Variants in RPGRIP1L observed in about 807,000 individuals in gnomAD.
RPGRIP1L encodes the protein RPGRIP1 like.
RPGRIP1L carries 131 observed loss-of-function variants against 160.4 expected under a neutral mutation model. That is an observed-to-expected ratio of 0.82 (90% CI 0.71 to 0.94). RPGRIP1L has a LOEUF of 0.94. Ranked by LOEUF, RPGRIP1L falls within the 40% of genes least tolerant of loss-of-function variation. The pLI is 0.00. For missense variants in RPGRIP1L, 1,522 were observed against 1,535.8 expected (o/e 0.99, Z 0.15); for synonymous variants, 510 against 515.8 (o/e 0.99, Z 0.15).
Position 53,645,666 on chromosome 16 carries a change from T to C in RPGRIP1L, c.2642A>G (p.Asn881Ser), listed in dbSNP as rs377404824. Reference protein sequence around the residue: ...TQENIYIGKVNVPLISLAHDR... With the variant: ...TQENIYIGKVSVPLISLAHDR... ...ATGTGCCAACGAAATCAGAGGCACA[T>C]TGACTTTTCCTATGTAAATATTCTC... The change falls in exon 17 of 27, where the codon AAT (asparagine) becomes AGT (serine). Residue 881 changes from asparagine (N) to serine (S), a missense_variant. Physicochemically the swap from Asn to Ser is conservative, Grantham distance 46 (BLOSUM62 1). Transcript: ENST00000647211. The C allele has an allele frequency of 1.4e-5, 22 of 1,614,058 alleles. No individual in the cohort carries two copies. In the South Asian group the frequency reaches 1.5e-4, roughly 11 times the overall value.
intron 6 of RPGRIP1L, among the ~76,000 whole-genome samples, chr16:53,685,331 T>C (rs1359650429): frequency 6.6e-6 from 1 of 152,166 alleles, no homozygotes; most frequent in Non-Finnish European, 1.5e-5. Flanking sequence ...GAAATACCAT[T>C]CGACAAGGAA....
chr16:53,657,500 T>C lies in RPGRIP1L; in HGVS notation c.1534A>G (p.Thr512Ala). The C allele has an allele frequency of 1.9e-6, 3 of 1,613,284 alleles. No individual in the cohort carries two copies. Among genetic ancestry groups the C allele is most frequent in the Non-Finnish European group, 2.5e-6 (3 of 1,179,528 alleles). The change falls in exon 13 of 27, where the codon ACA becomes GCA. Residue 512 changes from threonine to alanine, a missense_variant. By Grantham distance (58) the Thr-to-Ala change is moderately conservative. Coordinates refer to ENST00000647211, the MANE Select transcript of RPGRIP1L (RefSeq NM_015272.5). The stretch of plus-strand genomic sequence containing the variant: ...TGTTGCATAATTAGCATGTTTCTTG[T>C]CTTTTCCAGCTCTTGCACCGTTTCT... Reference protein sequence around the residue: ...HAETVQELEKTRNMLIMQHKI... With the variant: ...HAETVQELEKARNMLIMQHKI...
Position 53,636,402 on chromosome 16 carries a change from A to AT in RPGRIP1L, c.3294+36dup, listed in dbSNP as rs771784444. 1.1e-4 allele frequency: 157 copies of AT among 1,401,690 alleles called. No individual in the cohort carries two copies. In the East Asian group the frequency reaches 3.5e-3, roughly 31 times the overall value. 86.8% of individuals were successfully genotyped at this position (1,401,690 alleles called of 1,614,324 possible). ...TGTACTGTGAATGAAAGGCAGCCTT[A>AT]TTTCAGAACATTTCTAGTTGGCATC... is the stretch of plus-strand genomic sequence containing the variant. On this transcript the variant is annotated intron_variant, in intron 22 of 26. Coordinates refer to ENST00000647211, the MANE Select transcript of RPGRIP1L (RefSeq NM_015272.5).
chr16:53,688,436 A>G (rs1970166229), intron 4 of RPGRIP1L, among the ~76,000 whole-genome samples: 3 of 152,074 alleles, frequency 2.0e-5, no homozygotes. Flanking sequence ...CCCCAATAAC[A>G]AAATCCCTAT....
At chr16:53,605,034 A>T (rs1963586949) in intron 26 of RPGRIP1L, among the ~76,000 whole-genome samples, 1 of 151,872 alleles carries the variant, frequency 6.6e-6, no homozygotes. Context: ...CAAAAAAATT[A>T]GCCGGGCATG....
intron 22 of RPGRIP1L, 126 bp downstream of exon 22, chr16:53,636,313 G>T: frequency 2.7e-6 from 2 of 729,376 alleles, no homozygotes; most frequent in Non-Finnish European, 4.8e-6. Context: ...TTAAGATTAT[G>T]ATAAACATTA....
chr16:53,686,534 T>C lies in RPGRIP1L; in HGVS notation c.675A>G (p.Leu225=). The C allele has an allele frequency of 6.2e-7, 1 of 1,613,768 alleles. No individual in the cohort carries two copies. Among genetic ancestry groups the C allele is most frequent in the Non-Finnish European group, 8.5e-7 (1 of 1,179,772 alleles). ...TTTTCAGGATCTCAGCCAAGTGCTC[T>C]AACTCCTCTATCTGGCCTCTTTGTG... ...IQSQRGQIEE[L]EHLAEILKTQ... is the part of the protein sequence containing the mutation. The change falls in exon 6 of 27, where the codon TTA becomes TTG. Residue 225 remains leucine (L), a synonymous_variant. Coordinates refer to ENST00000647211, the MANE Select transcript of RPGRIP1L (RefSeq NM_015272.5).
At chr16:53,630,147 C>T (rs572010522) in intron 22 of RPGRIP1L, among the ~76,000 whole-genome samples, 11 of 152,178 alleles carry the variant, frequency 7.2e-5, no homozygotes, top group Non-Finnish European at 5.9e-5. Context: ...TGGGCTCAAG[C>T]GATCCTCCAA....
At chr16:53,696,410 C>A in intron 2 of RPGRIP1L, 115 bp from the exon 3 acceptor site, 2 of 1,010,062 alleles carry the variant, frequency 2.0e-6, no homozygotes, top group Non-Finnish European at 3.1e-6. Context: ...TTGTGACCTA[C>A]AGTTAAGATT....
At chr16:53,624,976 G>A (rs1019865434) in intron 22 of RPGRIP1L, among the ~76,000 whole-genome samples, 5 of 152,172 alleles carry the variant, frequency 3.3e-5, no homozygotes, top group African/African-American at 4.8e-5. Flanking sequence ...GTGTTGGCCA[G>A]GCTGGTATCC....
intron 26 of RPGRIP1L, among the ~76,000 whole-genome samples, chr16:53,602,446 G>T (rs1028726446): frequency 2.0e-5 from 3 of 152,122 alleles, no homozygotes; most frequent in Non-Finnish European, 4.4e-5. Flanking sequence ...CCTAGTGAAA[G>T]CGTCTAGGAT....
Position 53,619,027 on chromosome 16 carries a change from T to C in RPGRIP1L, c.3614A>G (p.Asn1205Ser). The change falls in exon 24 of 27, where the codon AAT (asparagine) becomes AGT (serine). Residue 1205 changes from asparagine to serine, a missense_variant and splice_region_variant. By Grantham distance (46) the Asn-to-Ser change is conservative. Transcript: ENST00000647211. ...TATTACAAATGAATCATACATACCA[T>C]TGCTATAGTTATAGTAGACCCACTG... ...SGQWVYYNYSNVIYVDKENNK... is the reference protein window; with the variant it reads ...SGQWVYYNYSSVIYVDKENNK... 6.2e-7 allele frequency: 1 copy of C among 1,609,982 alleles called. No individual in the cohort carries two copies. Among genetic ancestry groups the C allele is most frequent in the South Asian group, 1.1e-5 (1 of 91,000 alleles).
chr16:53,607,079 C>T (rs1189365237), intron 25 of RPGRIP1L, among the ~76,000 whole-genome samples: 1 of 152,122 alleles, frequency 6.6e-6, no homozygotes, highest in Non-Finnish European at 1.5e-5. Flanking sequence ...TGGTTAAGGG[C>T]ATTCATTCTG....
intron 20 of RPGRIP1L, 136 bp downstream of exon 20, chr16:53,638,174 G>T (rs1598292639): frequency 1.5e-6 from 1 of 659,934 alleles, no homozygotes; most frequent in Non-Finnish European, 2.7e-6. Context: ...TCATATTTTT[G>T]ACTTTCTATT....
intron 6 of RPGRIP1L, among the ~76,000 whole-genome samples, chr16:53,678,783 G>A (rs1969393199): frequency 6.6e-6 from 1 of 152,120 alleles, no homozygotes; most frequent in South Asian, 2.1e-4. Context: ...GACCAAATTT[G>A]GGGCATAAGG....
intron 13 of RPGRIP1L, among the ~76,000 whole-genome samples, chr16:53,657,172 G>A (rs748289612): frequency 3.9e-5 from 6 of 151,970 alleles, no homozygotes; most frequent in Non-Finnish European, 7.4e-5. Flanking sequence ...CCTGGGAGGC[G>A]GAGGTTGCAG....
In RPGRIP1L at chr16:53,637,740, A is replaced by G; in HGVS notation, c.3175T>C (p.Ser1059Pro). The G allele has an allele frequency of 6.2e-7, 1 of 1,612,312 alleles. No homozygotes were observed. The change falls in exon 21 of 27, where the codon TCT (serine) becomes CCT (proline). Residue 1059 changes from serine (S) to proline (P), a missense_variant. Coordinates refer to ENST00000647211, the MANE Select transcript of RPGRIP1L (RefSeq NM_015272.5). ...GTTATTTCTGTTTCATCTTCAGAAG[A>G]TGCCAAGCTTTGTTCTGCAAGCTGA... Reference protein sequence around the residue: ...EGQLAEQSLASSEDETEITED... With the variant: ...EGQLAEQSLAPSEDETEITED...
rs927736827 is a variant in RPGRIP1L, at chr16:53,635,170, A to G, written c.3294+1269T>C. On this transcript the variant is annotated intron_variant, in intron 22 of 26. Transcript: ENST00000647211. ...GAGAAACAGTTATTTATTTTGCTAA[A>G]CTTCTTTGTTAAATTAAAGTTTATT... Among the ~76,000 whole-genome samples, 31 of 152,176 alleles carry G rather than the reference A, an allele frequency of 2.0e-4. 1 individual carries two copies. Among genetic ancestry groups the G allele is most frequent in the Non-Finnish European group, 1.3e-4 (9 of 68,036 alleles).
chr16:53,650,189 C>A lies in RPGRIP1L; in HGVS notation c.2153-1074G>T, dbSNP rs550660381. On this transcript the variant is annotated intron_variant, in intron 15 of 26. Coordinates refer to ENST00000647211, the MANE Select transcript of RPGRIP1L (RefSeq NM_015272.5). Reference sequence around the variant, plus strand: ...GGTGATGAGGCCACGAGGGATCCACCCTCATGAGTAGGATTGGTGCCATTA... The same window carrying A: ...GGTGATGAGGCCACGAGGGATCCACACTCATGAGTAGGATTGGTGCCATTA... Among the ~76,000 whole-genome samples the A allele has an allele frequency of 1.6e-3, 242 of 152,102 alleles. 1 individual carries two copies. The highest frequency in any genetic ancestry group is 3.1e-3 in the Non-Finnish European group (209 of 68,002).
Sources: allele counts gnomAD v4.1 joint callset (sites outside exome capture counted in the v4.1 genomes callset), GRCh38; gene constraint gnomAD v4.1.1; transcripts MANE v1.5; gene names NCBI Gene and HGNC (gene_info 2026-07-23, HGNC 2026-07-21).